CDH18: variants seen among roughly 807,000 people sequenced by gnomAD.
CDH18 encodes cadherin 18.
In CDH18, 31 loss-of-function variants were observed where a neutral mutation model predicts 67.9. The ratio of observed to expected loss-of-function variants is 0.46; its 90% CI spans 0.34 to 0.62. CDH18 has a LOEUF of 0.62. Ranked by LOEUF, CDH18 falls within the 20% of genes least tolerant of loss-of-function variation. The pLI, the probability that CDH18 is intolerant of heterozygous loss-of-function variation, is 0.01. For missense variants in CDH18, 890 were observed against 975.5 expected, an observed-to-expected ratio of 0.91 and a Z score of 1.17; for synonymous variants, 362 against 347.2, an observed-to-expected ratio of 1.04 and a Z score of -0.48.
At position 19,746,244 on chromosome 5, in the gene CDH18, G is replaced by C. The variant is rs139403559; in HGVS notation, c.523+698C>G. On this transcript the variant is annotated intron_variant, in intron 4 of 12. Transcript: ENST00000382275. ...GCCCCAGATCATTAGGGTGGCTCAG[G>C]TCCTGGATCATGGTTCTGTTGGCTG... Among the ~76,000 whole-genome samples, 296 of 152,262 alleles carry C rather than the reference G, an allele frequency of 1.9e-3. 4 individuals are homozygous for C. The highest frequency in any genetic ancestry group is 6.9e-3 in the African/African-American group (287 of 41,538).
intron 1 of CDH18, among the ~76,000 whole-genome samples, chr5:20,393,788 C>A (rs1745058458): frequency 6.6e-6 from 1 of 151,704 alleles, no homozygotes; most frequent in South Asian, 2.1e-4. Context: ...GCAAAAAATA[C>A]AATACAATAC....
chr5:19,869,190 C>A (rs1161714986), intron 2 of CDH18, among the ~76,000 whole-genome samples: 1 of 152,124 alleles, frequency 6.6e-6, no homozygotes, highest in Non-Finnish European at 1.5e-5. Flanking sequence ...TAAGCACATG[C>A]ATTAAAACTC....
chr5:19,798,096 G>C (rs755991726), intron 3 of CDH18, among the ~76,000 whole-genome samples: 3 of 151,998 alleles, frequency 2.0e-5, no homozygotes, highest in Non-Finnish European at 4.4e-5. Context: ...TAGTGGTTTT[G>C]AAACTGTTCA....
chr5:19,714,454 C>G (rs576259025), intron 5 of CDH18, among the ~76,000 whole-genome samples: 123 of 151,720 alleles, frequency 8.1e-4, no homozygotes, highest in Middle Eastern at 3.4e-3. Context: ...TGTCCTCACA[C>G]AATCTGCTGC....
Position 19,764,756 on chromosome 5 carries a change from T to C in CDH18, c.229-17520A>G, listed in dbSNP as rs886235148. 6.4e-4 allele frequency among the ~76,000 whole-genome samples: 97 copies of C among 152,096 alleles called. 1 individual carries two copies. The highest frequency in any genetic ancestry group is 2.4e-4 in the Non-Finnish European group (16 of 68,012). On this transcript the variant is annotated intron_variant, in intron 3 of 12. Coordinates refer to ENST00000382275, the MANE Select transcript of CDH18 (RefSeq NM_004934.5). ...TTATGGGTTTTATTTGAGCCAGTTA[T>C]GTGAAAAAGTCAGAATGTTTTACCA...
chr5:19,887,661 T>A (rs1788359596), intron 2 of CDH18, among the ~76,000 whole-genome samples: 1 of 151,734 alleles, frequency 6.6e-6, no homozygotes. Context: ...CTTAACCCCC[T>A]GGGGTCAAGT....
At chr5:19,812,184 T>C (rs1406031947) in intron 3 of CDH18, among the ~76,000 whole-genome samples, 1 of 152,136 alleles carries the variant, frequency 6.6e-6, no homozygotes, top group Non-Finnish European at 1.5e-5. Flanking sequence ...ATGAAGTATA[T>C]CTGTTAAAAA....
At chr5:19,668,708 A>G (rs1285799885) in intron 5 of CDH18, among the ~76,000 whole-genome samples, 3 of 152,106 alleles carry the variant, frequency 2.0e-5, no homozygotes. Context: ...TTCTTAATTA[A>G]TTGTGAAAAA....
intron 2 of CDH18, among the ~76,000 whole-genome samples, chr5:20,237,525 A>G (rs1031253835): frequency 2.0e-5 from 3 of 151,976 alleles, no homozygotes; most frequent in African/African-American, 2.4e-5. Context: ...TGTGATATCA[A>G]CAAAGACTCA....
At chr5:20,399,049 T>G (rs1745542836) in intron 1 of CDH18, among the ~76,000 whole-genome samples, 1 of 151,986 alleles carries the variant, frequency 6.6e-6, no homozygotes, top group African/African-American at 2.4e-5. Flanking sequence ...AAACTTAAAG[T>G]AAAATTAAAA....
intron 1 of CDH18, among the ~76,000 whole-genome samples, chr5:20,346,326 C>G (rs573360304): frequency 6.6e-6 from 1 of 152,270 alleles, no homozygotes; most frequent in African/African-American, 2.4e-5. Flanking sequence ...CTTATCAGAA[C>G]AAGAATTTTT....
At chr5:20,009,564 T>C (rs996216498) in intron 2 of CDH18, among the ~76,000 whole-genome samples, 1 of 152,106 alleles carries the variant, frequency 6.6e-6, no homozygotes, top group Non-Finnish European at 1.5e-5. Context: ...TTAATCTATA[T>C]AGAGAACTTT....
chr5:19,804,909 G>A (rs527437305), intron 3 of CDH18, among the ~76,000 whole-genome samples: 1 of 151,794 alleles, frequency 6.6e-6, no homozygotes, highest in East Asian at 1.9e-4. Context: ...AGCCACCTAG[G>A]CATAAAATCA....
At chr5:20,250,279 A>AT (rs199537266) in intron 2 of CDH18, among the ~76,000 whole-genome samples, 57 of 111,000 alleles carry the variant, frequency 5.1e-4, no homozygotes, top group Admixed American at 2.9e-3. Flanking sequence ...TGACAATTTT[A>AT]TTTTTTTTTT....
chr5:20,249,469 G>T (rs1463152744), intron 2 of CDH18, among the ~76,000 whole-genome samples: 4 of 144,742 alleles, frequency 2.8e-5, no homozygotes, highest in African/African-American at 1.0e-4. Context: ...TGCAAGCTCC[G>T]CCTTCCGGGT....
chr5:19,982,317 C>T (rs563270034), intron 1 of CDH18, among the ~76,000 whole-genome samples: 3 of 151,996 alleles, frequency 2.0e-5, no homozygotes, highest in Non-Finnish European at 4.4e-5. Context: ...AATTATATCA[C>T]ATTAGTAAAA....
chr5:20,529,249 T>A, intron 1 of CDH18, among the ~76,000 whole-genome samples: 1 of 150,140 alleles, frequency 6.7e-6, no homozygotes, highest in Middle Eastern at 3.2e-3. Context: ...CAGGTAGTAA[T>A]AAATAGCCTA....
intron 1 of CDH18, among the ~76,000 whole-genome samples, chr5:20,554,685 G>T (rs765801760): frequency 6.6e-6 from 1 of 152,108 alleles, no homozygotes; most frequent in Non-Finnish European, 1.5e-5. Context: ...AGGGGGAATC[G>T]AATTCTTTTC....
At chr5:19,555,775 G>A (rs1308711525) in intron 8 of CDH18, among the ~76,000 whole-genome samples, 1 of 152,146 alleles carries the variant, frequency 6.6e-6, no homozygotes, top group Non-Finnish European at 1.5e-5. Flanking sequence ...CGCAACTGAT[G>A]TGCTCTTGAA....
Sources: allele counts gnomAD v4.1 joint callset (sites outside exome capture counted in the v4.1 genomes callset), GRCh38; gene constraint gnomAD v4.1.1; transcripts MANE v1.5; gene names NCBI Gene and HGNC (gene_info 2026-07-23, HGNC 2026-07-21).